PTPA: variants seen among roughly 807,000 people sequenced by gnomAD.
PTPA encodes the protein serine/threonine-protein phosphatase 2A activator.
Under a neutral mutation model 43.6 loss-of-function variants are expected in PTPA, and 13 were observed. The observed-to-expected ratio is 0.30, with a 90% confidence interval of 0.19 to 0.47. The LOEUF is 0.47. Ranked by LOEUF, PTPA falls within the 20% of genes least tolerant of loss-of-function variation. The pLI, the probability that PTPA is intolerant of heterozygous loss-of-function variation, is 0.99. For synonymous variants in PTPA, 172 were observed against 158.2 expected (o/e 1.09, Z -0.66); for missense variants, 329 against 411.9 (o/e 0.80, Z 1.74).
At chr9:129,113,069 G>C (rs9409310) in intron 1 of PTPA, among the ~76,000 whole-genome samples, 91,504 of 150,474 alleles carry the variant, frequency 0.61, 29,652 homozygotes, top group South Asian at 0.73. Context: ...AAAAAAAGTC[G>C]CAAAAAAAAA....
At chr9:129,112,163 GC>G (rs1462282821) in intron 1 of PTPA, among the ~76,000 whole-genome samples, 3 of 152,186 alleles carry the variant, frequency 2.0e-5, no homozygotes, top group African/African-American at 7.2e-5. Context: ...GAGGGAAACT[GC>G]CCGTGGTGTC....
intron 2 of PTPA, among the ~76,000 whole-genome samples, chr9:129,121,054 C>A (rs1477179302): frequency 6.6e-6 from 1 of 152,210 alleles, no homozygotes; most frequent in African/African-American, 2.4e-5. Context: ...GGAGCTGGGA[C>A]CCAGAGCACT....
Position 129,134,912 on chromosome 9 carries a change from AGGGTTGGAGGAG to A in PTPA, c.560+22_560+33del. 6.2e-7 allele frequency: 1 copy of A among 1,602,984 alleles called. No homozygotes were observed. The highest frequency in any genetic ancestry group is 8.5e-7 in the Non-Finnish European group (1 of 1,171,334). ...TTCAATCGGTGAGAGAAAGGACAGG[AGGGTTGGAGGAG>A]GGGGCGTGAGGGGCCATCTGTTTCC... On this transcript the variant is annotated intron_variant, in intron 6 of 9. Coordinates refer to ENST00000393370, the MANE Select transcript of PTPA (RefSeq NM_178000.3).
At position 129,134,833 on chromosome 9, in the gene PTPA, T is replaced by G. The variant is rs1850246038; in HGVS notation, c.499T>G (p.Cys167Gly). 6.2e-7 allele frequency: 1 copy of G among 1,614,082 alleles called. No individual in the cohort carries two copies. The highest frequency in any genetic ancestry group is 8.5e-7 in the Non-Finnish European group (1 of 1,180,040). The change falls in exon 6 of 10, where the codon TGC becomes GGC. Residue 167 changes from cysteine to glycine, a missense_variant. By Grantham distance (159) the Cys-to-Gly change is radical (BLOSUM62 -3). Transcript: ENST00000393370. ...AAFAAFLCCL[C>G]KIGVLRVDDQ... Reference sequence around the variant, plus strand: ...CTTCGCTGCTTTCCTCTGCTGTCTCTGCAAGATTGGGGTGCTCCGGGTGGA... The same window carrying G: ...CTTCGCTGCTTTCCTCTGCTGTCTCGGCAAGATTGGGGTGCTCCGGGTGGA...
chr9:129,121,977 A>G (rs1049208424), intron 2 of PTPA, among the ~76,000 whole-genome samples: 1 of 152,212 alleles, frequency 6.6e-6, no homozygotes, highest in Non-Finnish European at 1.5e-5. Context: ...CTCAGGGCTT[A>G]CTGTGGACAC....
chr9:129,146,831 GCT>G lies in PTPA; in HGVS notation c.895-553_895-552del, dbSNP rs1851335390. On this transcript the variant is annotated intron_variant, in intron 9 of 9. Coordinates refer to ENST00000393370, the MANE Select transcript of PTPA (RefSeq NM_178000.3). The stretch of plus-strand genomic sequence containing the variant: ...GTGCTCAGCCATTCCCCTGTTCAGC[GCT>G]CTTTTTCCCCTGCCCCCCACACAGG... 2.0e-5 allele frequency among the ~76,000 whole-genome samples: 3 copies of G among 152,282 alleles called. No individual in the cohort carries two copies. The South Asian group carries it at 6.2e-4, about 32-fold the overall frequency.
At chr9:129,145,372 A>G (rs1381971125) in intron 9 of PTPA, among the ~76,000 whole-genome samples, 1 of 151,974 alleles carries the variant, frequency 6.6e-6, no homozygotes, top group Admixed American at 6.6e-5. Flanking sequence ...GCAGTGTTCA[A>G]CACTCATTGA....
intron 1 of PTPA, among the ~76,000 whole-genome samples, chr9:129,119,905 C>G (rs903034680): frequency 6.6e-6 from 1 of 152,104 alleles, no homozygotes; most frequent in Non-Finnish European, 1.5e-5. Context: ...AGCCCTTACT[C>G]TGTCCTGGAA....
chr9:129,147,560 C>G lies in PTPA; in HGVS notation c.*96C>G, dbSNP rs1486564745. 1.5e-6 allele frequency: 2 copies of G among 1,315,790 alleles called. No individual in the cohort carries two copies. Among genetic ancestry groups the G allele is most frequent in the Admixed American group, 3.8e-5 (2 of 53,274 alleles). The allele number at this position is 1,315,790 out of a possible 1,614,324, so 81.5% of individuals were successfully genotyped here. A position where few individuals can be genotyped will look rare whatever the true frequency, so the allele number is the denominator to read the frequency against. ...CTCCCCATCCCCTCCCTCTGTTCGTCCCGTTTGATGAGAGGCTGTTTACTG... is the reference window on the plus strand; with the variant it reads ...CTCCCCATCCCCTCCCTCTGTTCGTGCCGTTTGATGAGAGGCTGTTTACTG... On this transcript the variant is annotated 3_prime_UTR_variant, in exon 10 of 10. Transcript: ENST00000393370.
intron 1 of PTPA, among the ~76,000 whole-genome samples, chr9:129,116,046 A>G (rs2131540197): frequency 6.7e-6 from 1 of 148,558 alleles, no homozygotes; most frequent in South Asian, 2.1e-4. Context: ...TTTTGAGACG[A>G]GTCTCGCTCT....
At chr9:129,142,297 T>G in intron 8 of PTPA, 148 bp from the exon 9 acceptor site, 1 of 649,072 alleles carries the variant, frequency 1.5e-6, no homozygotes, top group Non-Finnish European at 2.5e-6. Context: ...TGCTATAGCT[T>G]GGTCCCCAAG....
chr9:129,145,448 C>T (rs904125549), intron 9 of PTPA, among the ~76,000 whole-genome samples: 3 of 152,188 alleles, frequency 2.0e-5, no homozygotes, highest in Non-Finnish European at 2.9e-5. Flanking sequence ...ATGTTGCCTA[C>T]ACAGAGGTCC....
At chr9:129,145,376 T>C (rs1476230321) in intron 9 of PTPA, among the ~76,000 whole-genome samples, 1 of 151,072 alleles carries the variant, frequency 6.6e-6, no homozygotes, top group African/African-American at 2.4e-5. Flanking sequence ...TGTTCAACAC[T>C]CATTGACAAC....
intron 8 of PTPA, among the ~76,000 whole-genome samples, chr9:129,140,574 C>T (rs994687127): frequency 6.0e-4 from 91 of 152,236 alleles, no homozygotes; most frequent in African/African-American, 2.2e-3. Context: ...GGCAGGGGCT[C>T]TTGTCTTCCA....
intron 9 of PTPA, chr9:129,143,170 C>T: frequency 1.6e-6 from 1 of 617,118 alleles, no homozygotes; most frequent in African/African-American, 1.8e-5. Flanking sequence ...CCTCTTGGCA[C>T]TGTTCTCCCA....
At chr9:129,114,272 C>T (rs1441636413) in intron 1 of PTPA, among the ~76,000 whole-genome samples, 1 of 152,230 alleles carries the variant, frequency 6.6e-6, no homozygotes, top group Non-Finnish European at 1.5e-5. Context: ...ATTCACCCGC[C>T]TTGGCCACCC....
At chr9:129,134,271 G>C (rs997425281) in intron 5 of PTPA, among the ~76,000 whole-genome samples, 13 of 147,788 alleles carry the variant, frequency 8.8e-5, no homozygotes, top group Admixed American at 2.7e-4. Flanking sequence ...GGTCTTTTAC[G>C]AGTGGAATTA....
intron 6 of PTPA, among the ~76,000 whole-genome samples, chr9:129,135,949 C>A (rs1850335810): frequency 6.6e-6 from 1 of 152,068 alleles, no homozygotes; most frequent in Non-Finnish European, 1.5e-5. Flanking sequence ...CCTTCCTAAT[C>A]AGTGATTTTT....
At chr9:129,122,895 C>T (rs760655142) in intron 2 of PTPA, among the ~76,000 whole-genome samples, 157 bp from the exon 3 acceptor site, 3 of 152,214 alleles carry the variant, frequency 2.0e-5, no homozygotes, top group African/African-American at 2.4e-5. Flanking sequence ...CGGTATTTGG[C>T]ATTACGTTTC....
Sources: allele counts gnomAD v4.1 joint callset (sites outside exome capture counted in the v4.1 genomes callset), GRCh38; gene constraint gnomAD v4.1.1; transcripts MANE v1.5; gene names NCBI Gene and HGNC (gene_info 2026-07-23, HGNC 2026-07-21).